C8A: variants seen among roughly 807,000 people sequenced by gnomAD.
The protein encoded by C8A is complement C8 alpha chain.
In C8A, 67 loss-of-function variants were observed where a neutral mutation model predicts 65.3. The observed-to-expected ratio is 1.03, with a 90% CI of 0.84 to 1.26. The LOEUF (loss-of-function observed/expected upper bound fraction) is 1.26. Among genes scored for constraint, C8A ranks in the 50% most tolerant of loss-of-function variants. The pLI is 0.00. For synonymous variants in C8A, 290 were observed against 259.4 expected (o/e 1.12, Z -1.13); for missense variants, 781 against 723.9 (o/e 1.08, Z -0.90).
intron 9 of C8A, 102 bp downstream of exon 9, chr1:56,908,215 A>T: frequency 7.5e-7 from 1 of 1,329,186 alleles, no homozygotes; most frequent in Non-Finnish European, 1.1e-6. Context: ...TCAAAGAACA[A>T]GATTAAATGT....
chr1:56,885,984 A>G lies in C8A; in HGVS notation c.913A>G (p.Lys305Glu), dbSNP rs1433950357. 6.2e-7 allele frequency: 1 copy of G among 1,613,904 alleles called. No homozygotes were observed. The highest frequency in any genetic ancestry group is 8.5e-7 in the Non-Finnish European group (1 of 1,179,934). ...KVQTAHFKMR[K>E]DDIMLDEGML... ...GCAGACTGCACATTTTAAGATGAGG[A>G]AGGATGACATTATGCTGGATGAAGG... The change falls in exon 7 of 11, where the codon AAG (lysine) becomes GAG (glutamate). Residue 305 changes from lysine (K) to glutamate (E), a missense_variant. Coordinates refer to ENST00000361249, the MANE Select transcript of C8A (RefSeq NM_000562.3).
At chr1:56,914,480 T>C (rs773157438) in intron 10 of C8A, among the ~76,000 whole-genome samples, 60 of 152,246 alleles carry the variant, frequency 3.9e-4, no homozygotes, top group Non-Finnish European at 2.6e-4. Flanking sequence ...AATGCAAAAT[T>C]GAATTTAAAT....
Position 56,897,278 on chromosome 1 carries a change from G to A in C8A, c.1097-9389G>A, listed in dbSNP as rs115673320. 1.6e-3 allele frequency among the ~76,000 whole-genome samples: 249 copies of A among 152,310 alleles called. 1 individual carries two copies. The highest frequency in any genetic ancestry group is 0.01 in the Middle Eastern group (3 of 294). ...TGTTAATGTTTAAACTGAAAAGCAT[G>A]AGATTGTTCTGAAACTTAAGTACAG... is the stretch of plus-strand genomic sequence containing the variant. On this transcript the variant is annotated intron_variant, in intron 7 of 10. Transcript: ENST00000361249.
chr1:56,855,022 A>C (rs1211320846), intron 1 of C8A, 44 bp downstream of exon 1: 3 of 1,422,958 alleles, frequency 2.1e-6, no homozygotes, highest in East Asian at 4.6e-5. Context: ...CGTAGGAATC[A>C]CCTGCTGGGG....
chr1:56,857,551 A>G (rs1173571958), intron 1 of C8A, among the ~76,000 whole-genome samples: 1 of 152,086 alleles, frequency 6.6e-6, no homozygotes, highest in African/African-American at 2.4e-5. Flanking sequence ...ATGTGAACAT[A>G]CATAGATGAG....
At chr1:56,885,420 A>ATATTTATATT (rs1442607673) in intron 6 of C8A, among the ~76,000 whole-genome samples, 41 of 85,902 alleles carry the variant, frequency 4.8e-4, no homozygotes, top group African/African-American at 1.6e-3. Flanking sequence ...ATTTAAATAT[A>ATATTTATATT]TATTTAAATA....
chr1:56,900,375 C>T (rs1294565950), intron 7 of C8A, among the ~76,000 whole-genome samples: 1 of 152,166 alleles, frequency 6.6e-6, no homozygotes, highest in Admixed American at 6.5e-5. Flanking sequence ...TTGTGCCAGA[C>T]ACGTTTTAGG....
chr1:56,874,582 T>C (rs1312409692), intron 2 of C8A, among the ~76,000 whole-genome samples: 1 of 152,186 alleles, frequency 6.6e-6, no homozygotes, highest in Non-Finnish European at 1.5e-5. Context: ...CAACTTCATA[T>C]GCCAAGTGCT....
intron 7 of C8A, among the ~76,000 whole-genome samples, chr1:56,898,954 G>A (rs1210335800): frequency 6.6e-6 from 1 of 152,148 alleles, no homozygotes; most frequent in Non-Finnish European, 1.5e-5. Context: ...TAAAGGCTCT[G>A]GGACAGCCCA....
At chr1:56,888,274 A>T (rs970015319) in intron 7 of C8A, among the ~76,000 whole-genome samples, 2 of 152,202 alleles carry the variant, frequency 1.3e-5, no homozygotes, top group Admixed American at 1.3e-4. Context: ...AGGAAGTTCG[A>T]GATGAAGCAT....
In C8A at chr1:56,881,577, T is replaced by C; in HGVS notation, c.597T>C (p.Tyr199=). The C allele has an allele frequency of 6.2e-7, 1 of 1,613,800 alleles. No individual in the cohort carries two copies. The highest frequency in any genetic ancestry group is 8.5e-7 in the Non-Finnish European group (1 of 1,179,772). Residue 199 remains tyrosine, a synonymous_variant, in exon 5 of 11, where the codon TAT becomes TAC. Transcript: ENST00000361249. ...ACTCCACCTGTGAACGTCTCTACTA[T>C]GGAGATGATGAGAAATACTTTCGGA... The part of the protein sequence containing the change: ...RYDSTCERLY[Y]GDDEKYFRKP...
At chr1:56,910,028 G>A (rs1329269715) in intron 9 of C8A, among the ~76,000 whole-genome samples, 2 of 152,170 alleles carry the variant, frequency 1.3e-5, no homozygotes, top group African/African-American at 4.8e-5. Flanking sequence ...CTAGCACTGT[G>A]TTTTAAAAAG....
rs2101238323 is a variant in C8A at position 56,883,631 on chromosome 1, C to T, written c.805C>T (p.His269Tyr). 6.2e-7 allele frequency: 1 copy of T among 1,613,854 alleles called. No individual in the cohort carries two copies. The change falls in exon 6 of 11, where the codon CAC becomes TAC. Residue 269 changes from histidine (H) to tyrosine (Y), a missense_variant. By Grantham distance (83) the His-to-Tyr change is moderately conservative (BLOSUM62 2). Coordinates refer to ENST00000361249, the MANE Select transcript of C8A (RefSeq NM_000562.3). ...TTTATTGGTGGGTGTAGGTGTATCC[C>T]ACTCACAAGACACTTCATTCTTGAA... ...SPLLVGVGVSHSQDTSFLNEL... is the reference protein window; with the variant it reads ...SPLLVGVGVSYSQDTSFLNEL...
intron 1 of C8A, among the ~76,000 whole-genome samples, chr1:56,863,759 T>A (rs575794437): frequency 6.6e-6 from 1 of 152,280 alleles, no homozygotes; most frequent in African/African-American, 2.4e-5. Context: ...ATTATAAGAA[T>A]CAGGTTCAAA....
chr1:56,880,572 C>A (rs1644239385), intron 4 of C8A, among the ~76,000 whole-genome samples: 1 of 152,108 alleles, frequency 6.6e-6, no homozygotes, highest in Non-Finnish European at 1.5e-5. Context: ...GAACTGTGCA[C>A]CCTCCAATGT....
At chr1:56,863,928 C>T (rs1272473130) in intron 1 of C8A, among the ~76,000 whole-genome samples, 5 of 150,592 alleles carry the variant, frequency 3.3e-5, no homozygotes, top group African/African-American at 1.2e-4. Context: ...TTTTCCCTCC[C>T]TCTTTCCCTT....
chr1:56,891,790 T>C (rs1047097764), intron 7 of C8A, among the ~76,000 whole-genome samples: 2 of 152,056 alleles, frequency 1.3e-5, no homozygotes, highest in Admixed American at 1.3e-4. Flanking sequence ...GCCAGCTTCA[T>C]GGTAAAGACA....
chr1:56,861,832 AT>A (rs1644036711), intron 1 of C8A, among the ~76,000 whole-genome samples: 1 of 152,214 alleles, frequency 6.6e-6, no homozygotes, highest in Non-Finnish European at 1.5e-5. Context: ...AGCTGAGCCA[AT>A]TTATTGGGAT....
chr1:56,885,394 A>ACGT lies in C8A; in HGVS notation c.856-533_856-532insCGT, dbSNP rs1557705718. Among the ~76,000 whole-genome samples the ACGT allele has an allele frequency of 2.2e-4, 27 of 123,816 alleles. 1 individual carries two copies. Among genetic ancestry groups the ACGT allele is most frequent in the African/African-American group, 8.1e-4 (27 of 33,420 alleles). The allele number at this position is 123,816 out of a possible 152,430, so 81.2% of individuals were successfully genotyped here. A position where few individuals can be genotyped will look rare whatever the true frequency, so the allele number is the denominator to read the frequency against. ...TTTATATTTATTTAAATATATATTT[A>ACGT]AATAAATATATATTTATTTAAATAT... is the stretch of plus-strand genomic sequence containing the variant. On this transcript the variant is annotated intron_variant, in intron 6 of 10. Transcript: ENST00000361249.
Sources: allele counts gnomAD v4.1 joint callset (sites outside exome capture counted in the v4.1 genomes callset), GRCh38; gene constraint gnomAD v4.1.1; transcripts MANE v1.5; gene names NCBI Gene and HGNC (gene_info 2026-07-23, HGNC 2026-07-21).